The following SIN3A variants were observed in gnomAD, a reference collection of about 807,000 sequenced individuals.
The protein encoded by SIN3A is paired amphipathic helix protein Sin3a.
In SIN3A, 14 loss-of-function variants were observed where a neutral mutation model predicts 146.1. The ratio of observed to expected loss-of-function variants is 0.10; its 90% confidence interval spans 0.06 to 0.15. SIN3A has a LOEUF of 0.15. Ranked by LOEUF, SIN3A falls within the 10% of genes least tolerant of loss-of-function variation. The pLI, the probability that SIN3A is intolerant of heterozygous loss-of-function variation, is 1.00. For synonymous variants in SIN3A, 572 were observed against 572.0 expected, an observed-to-expected ratio of 1.00 and a Z score of 0.00; for missense variants, 1,028 against 1,576.0, an observed-to-expected ratio of 0.65 and a Z score of 5.89.
chr15:75,389,963 T>C lies in SIN3A; in HGVS notation c.2852-142A>G, dbSNP rs1595893262. The C allele has an allele frequency of 5.4e-6, 4 of 740,758 alleles. No individual in the cohort carries two copies. In the South Asian group the frequency reaches 7.2e-5, roughly 13 times the overall value. 45.9% of individuals were successfully genotyped at this position (740,758 alleles called of 1,614,324 possible). A position where few individuals can be genotyped will look rare whatever the true frequency, so the allele number is the denominator to read the frequency against. ...TTCAAAATATACTCACTCATTCCAA[T>C]GTAAACAGAGATGAATTCCGACAGG... On this transcript the variant is annotated intron_variant, in intron 15 of 20. Transcript: ENST00000394947.
intron 15 of SIN3A, 115 bp from the exon 16 acceptor site, chr15:75,389,936 T>A: frequency 1.1e-6 from 1 of 876,030 alleles, no homozygotes; most frequent in Non-Finnish European, 1.8e-6. Context: ...GAACACTAGG[T>A]ATTCAAAATA....
rs1359202744 is a variant in SIN3A, at chr15:75,394,830, A to G, written c.2127T>C (p.Ala709=). ...GCCATACTTTGTTAAAGCCTCTCTG[A>G]GCTTCTCGCCATTCTTCCTCTTTCA... ...LKMKEEEWRE[A]QRGFNKVWRE... is the part of the protein sequence containing the mutation. The change falls in exon 14 of 21, where the codon GCT becomes GCC. Residue 709 remains alanine (A), a synonymous_variant. Coordinates refer to ENST00000394947, the MANE Select transcript of SIN3A (RefSeq NM_001145358.2). 1.2e-6 allele frequency: 2 copies of G among 1,613,984 alleles called. No homozygotes were observed. The highest frequency in any genetic ancestry group is 1.7e-6 in the Non-Finnish European group (2 of 1,179,974).
intron 19 of SIN3A, chr15:75,376,137 T>A (rs1398732883): frequency 1.7e-5 from 9 of 518,842 alleles, no homozygotes; most frequent in Non-Finnish European, 2.8e-5. Flanking sequence ...TCTAGGCCTC[T>A]GTCTGTAAAT....
At chr15:75,375,433 G>A (rs561818567) in intron 20 of SIN3A, among the ~76,000 whole-genome samples, 1 of 152,276 alleles carries the variant, frequency 6.6e-6, no homozygotes, top group East Asian at 1.9e-4. Flanking sequence ...AACCAACACT[G>A]CTGACACTTG....
intron 4 of SIN3A, 101 bp downstream of exon 4, chr15:75,414,104 A>T (rs962800353): frequency 2.0e-6 from 1 of 512,784 alleles, no homozygotes; most frequent in Non-Finnish European, 3.1e-6. Context: ...TTCAGCTGCA[A>T]AAAGGAGCAT....
In SIN3A at chr15:75,411,632, A is replaced by G. The variant is rs1371732896; in HGVS notation, c.868T>C (p.Leu290=). 6.2e-7 allele frequency: 1 copy of G among 1,614,068 alleles called. No individual in the cohort carries two copies. Among genetic ancestry groups the G allele is most frequent in the Non-Finnish European group, 8.5e-7 (1 of 1,180,032 alleles). Residue 290 remains leucine, a synonymous_variant, in exon 6 of 21, where the codon TTG becomes CTG. Transcript: ENST00000394947. ...TTCTGCAAGGATGGGGCCGTTCCCAACGAGATTGTCACTGGTGTGTGAGGC... is the reference window on the plus strand; with the variant it reads ...TTCTGCAAGGATGGGGCCGTTCCCAGCGAGATTGTCACTGGTGTGTGAGGC... ...VQPHTPVTIS[L]GTAPSLQNNQ...
intron 1 of SIN3A, chr15:75,436,567 T>C (rs1324491434): frequency 6.6e-6 from 1 of 152,180 alleles, no homozygotes; most frequent in African/African-American, 2.4e-5. Context: ...AAAAATCAGA[T>C]TCATTGATGG....
intron 2 of SIN3A, 192 bp downstream of exon 2, chr15:75,429,995 G>A (rs902059792): frequency 1.8e-6 from 1 of 562,912 alleles, no homozygotes; most frequent in South Asian, 2.2e-5. Context: ...GGGATACGCA[G>A]GGAACTTCAA....
rs572866938 is a variant in SIN3A at position 75,389,839 on chromosome 15, T to C, written c.2852-18A>G. 9.3e-6 allele frequency: 15 copies of C among 1,612,966 alleles called. No individual in the cohort carries two copies. The highest frequency in any genetic ancestry group is 4.4e-5 in the South Asian group (4 of 90,950). ...AACATCCACTGTGGGAGAGATGGGA[T>C]TGGTGAGGCCTTACCTTGCTAAGAA... On this transcript the variant is annotated intron_variant, in intron 15 of 20. Coordinates refer to ENST00000394947, the MANE Select transcript of SIN3A (RefSeq NM_001145358.2).
upstream of SIN3A, chr15:75,453,995 CAT>C (rs2074449893): frequency 1.3e-5 from 2 of 152,260 alleles, no homozygotes; most frequent in Admixed American, 1.3e-4. Flanking sequence ...GGGCCTCACA[CAT>C]GTGCGGAGCG....
chr15:75,449,665 T>C (rs188876149), intron 1 of SIN3A, among the ~76,000 whole-genome samples: 78 of 152,356 alleles, frequency 5.1e-4, no homozygotes, highest in East Asian at 3.5e-3. Flanking sequence ...AACACTGTAC[T>C]ATGTAGAGTA....
Position 75,412,996 on chromosome 15 carries a change from G to A in SIN3A, c.523C>T (p.His175Tyr). The change falls in exon 5 of 21, where the codon CAC becomes TAC. Residue 175 changes from histidine to tyrosine, a missense_variant. His to Tyr is a moderately conservative substitution (Grantham distance 83). Coordinates refer to ENST00000394947, the MANE Select transcript of SIN3A (RefSeq NM_001145358.2). ...ISRVSQLFKG[H>Y]PDLIMGFNTF... ...TTGAATCCCATTATCAGATCGGGGT[G>A]GCCTTTGAATAGCTGGGACACACGA... The A allele has an allele frequency of 1.2e-6, 2 of 1,613,976 alleles. No individual in the cohort carries two copies. The highest frequency in any genetic ancestry group is 2.7e-5 in the African/African-American group (2 of 75,012).
intron 1 of SIN3A, among the ~76,000 whole-genome samples, chr15:75,431,649 T>C (rs1239696466): frequency 8.0e-6 from 1 of 125,248 alleles, no homozygotes; most frequent in Non-Finnish European, 1.6e-5. Flanking sequence ...TACGGTTAAG[T>C]TAAAAAAAAA....
At chr15:75,393,479 C>T (rs1567336892) in intron 14 of SIN3A, among the ~76,000 whole-genome samples, 1 of 152,040 alleles carries the variant, frequency 6.6e-6, no homozygotes, top group Admixed American at 6.6e-5. Context: ...CGGGTTCAAG[C>T]CATTCTTATG....
chr15:75,431,113 C>T (rs1489678358), intron 1 of SIN3A, among the ~76,000 whole-genome samples: 1 of 152,180 alleles, frequency 6.6e-6, no homozygotes, highest in East Asian at 1.9e-4. Flanking sequence ...AAACCTACTA[C>T]TATAATTGTG....
chr15:75,423,522 C>T (rs1419624976), intron 2 of SIN3A, among the ~76,000 whole-genome samples: 1 of 151,916 alleles, frequency 6.6e-6, no homozygotes, highest in Non-Finnish European at 1.5e-5. Context: ...ACTAAAAATA[C>T]AAAAAATTAA....
chr15:75,413,162 G>T, intron 4 of SIN3A, 117 bp from the exon 5 acceptor site: 2 of 958,874 alleles, frequency 2.1e-6, no homozygotes, highest in Non-Finnish European at 3.0e-6. Context: ...GCCCAGGCTG[G>T]ACTGCAATGG....
At chr15:75,426,177 G>GA (rs924326315) in intron 2 of SIN3A, among the ~76,000 whole-genome samples, 5 of 152,158 alleles carry the variant, frequency 3.3e-5, no homozygotes, top group African/African-American at 1.2e-4. Flanking sequence ...TTTAGATAAT[G>GA]AAAGTAATCA....
chr15:75,424,361 G>C (rs901903079), intron 2 of SIN3A, among the ~76,000 whole-genome samples: 1 of 152,118 alleles, frequency 6.6e-6, no homozygotes, highest in Non-Finnish European at 1.5e-5. Context: ...TTGAACCAGG[G>C]AGGTGGAAGT....
Sources: gnomAD v4.1 joint callset for allele counts (sites outside exome capture counted in the v4.1 genomes callset) on GRCh38, gnomAD v4.1.1 for gene constraint, MANE v1.5 for transcripts, NCBI Gene and HGNC (gene_info 2026-07-23, HGNC 2026-07-21) for gene names.